The following TMC2 variants were observed in gnomAD, a reference collection of about 807,000 sequenced individuals.
TMC2 encodes transmembrane channel-like protein 2.
TMC2 carries 102 observed loss-of-function variants against 105.9 expected under a neutral mutation model. That is an observed-to-expected ratio of 0.96 (90% CI 0.82 to 1.14). The LOEUF (loss-of-function observed/expected upper bound fraction) is 1.14. TMC2 is among the 50% of genes most tolerant of loss of function. The probability of loss-of-function intolerance (pLI) is 0.00; values close to 1 mark genes in which losing one functional copy is unlikely to be tolerated. For missense variants in TMC2, 1,093 were observed against 1,134.3 expected (o/e 0.96, Z 0.52); for synonymous variants, 402 against 422.8 (o/e 0.95, Z 0.60).
At chr20:2,607,002 T>A (rs1047989655) in intron 11 of TMC2, among the ~76,000 whole-genome samples, 10 of 151,770 alleles carry the variant, frequency 6.6e-5, no homozygotes, top group African/African-American at 2.4e-4. Context: ...CAGTTTTCTG[T>A]TTTTGAATAC....
chr20:2,588,691 T>TTGTGTGTGTGTGTGTGTG (rs57035040), intron 7 of TMC2, among the ~76,000 whole-genome samples: 5,241 of 143,448 alleles, frequency 0.037, 183 homozygotes, highest in East Asian at 0.15. Context: ...GCATGTGTCT[T>TTGTGTGTGTGTGTGTGTG]TGTGTGTGTG....
At chr20:2,620,659 A>G (rs1387661018) in intron 16 of TMC2, among the ~76,000 whole-genome samples, 1 of 152,218 alleles carries the variant, frequency 6.6e-6, no homozygotes, top group Non-Finnish European at 1.5e-5. Context: ...TTGGCCTCCC[A>G]GAATTCTGTG....
intron 4 of TMC2, among the ~76,000 whole-genome samples, chr20:2,565,699 A>G (rs1341574022): frequency 6.6e-6 from 1 of 152,152 alleles, no homozygotes; most frequent in Non-Finnish European, 1.5e-5. Context: ...TCTCTGGCCC[A>G]GTCAGGCACT....
chr20:2,636,893 G>C (rs1349636959), intron 18 of TMC2, among the ~76,000 whole-genome samples: 1 of 152,104 alleles, frequency 6.6e-6, no homozygotes, highest in Admixed American at 6.5e-5. Flanking sequence ...TTATAGGCGT[G>C]AGCCACCGTG....
chr20:2,599,666 TCCTGGCCTCAAGCCATCCTCCCTC>T (rs2086337081), intron 10 of TMC2, among the ~76,000 whole-genome samples: 1 of 150,986 alleles, frequency 6.6e-6, no homozygotes, highest in African/African-American at 2.4e-5. Flanking sequence ...GGTCTCAAAT[TCCTGGCCTCAAGCCATCCTCCCTC>T]CCTGGCCTCC....
chr20:2,585,002 A>G (rs6115049), intron 7 of TMC2, among the ~76,000 whole-genome samples: 11,065 of 152,194 alleles, frequency 0.073, 1,329 homozygotes, highest in African/African-American at 0.25. Context: ...TTGACAACCA[A>G]TGATTGATTT....
chr20:2,547,852 A>C (rs1007236010), intron 2 of TMC2, among the ~76,000 whole-genome samples: 1 of 152,234 alleles, frequency 6.6e-6, no homozygotes, highest in South Asian at 2.1e-4. Flanking sequence ...CTTAAATAAA[A>C]TTTCTTTTCT....
chr20:2,623,620 G>A (rs151029052), intron 16 of TMC2, among the ~76,000 whole-genome samples: 2,940 of 152,014 alleles, frequency 0.019, 94 homozygotes, highest in African/African-American at 0.067. Context: ...ATTTAAACCA[G>A]GAATTTCAAA....
At chr20:2,548,939 C>T (rs1024346655) in intron 2 of TMC2, among the ~76,000 whole-genome samples, 1 of 152,220 alleles carries the variant, frequency 6.6e-6, no homozygotes, top group African/African-American at 2.4e-5. Flanking sequence ...AAAACGTAAG[C>T]TAGTCTTTTA....
intron 17 of TMC2, among the ~76,000 whole-genome samples, chr20:2,629,334 T>G (rs1476349135): frequency 6.6e-6 from 1 of 152,136 alleles, no homozygotes; most frequent in Non-Finnish European, 1.5e-5. Flanking sequence ...GTATTTTTCC[T>G]GCATTTACAG....
At chr20:2,544,212 A>G (rs1219738657) in intron 2 of TMC2, among the ~76,000 whole-genome samples, 1 of 151,840 alleles carries the variant, frequency 6.6e-6, no homozygotes, top group East Asian at 1.9e-4. Context: ...CAACGCACCC[A>G]GCCAGATTTT....
chr20:2,584,064 T>A (rs868585031), intron 7 of TMC2, among the ~76,000 whole-genome samples: 1,879 of 152,276 alleles, frequency 0.012, 51 homozygotes, highest in African/African-American at 0.043. Flanking sequence ...AGCTGTGCTT[T>A]AGGTTTACAT....
chr20:2,552,639 T>C (rs1050549467), intron 2 of TMC2, among the ~76,000 whole-genome samples: 2 of 152,064 alleles, frequency 1.3e-5, no homozygotes, highest in Admixed American at 1.3e-4. Context: ...CTTCAGTCTC[T>C]GACGTAGCTG....
intron 11 of TMC2, among the ~76,000 whole-genome samples, chr20:2,609,939 C>T (rs1297979773): frequency 2.6e-5 from 4 of 152,146 alleles, no homozygotes; most frequent in African/African-American, 7.2e-5. Flanking sequence ...CCTCCGCCTC[C>T]AGGGTTCAAG....
chr20:2,556,624 A>C (rs928580286), intron 2 of TMC2, among the ~76,000 whole-genome samples: 1 of 152,184 alleles, frequency 6.6e-6, no homozygotes, highest in Admixed American at 6.5e-5. Context: ...ATTGTTTTTT[A>C]ATTAGCTGGG....
Position 2,593,700 on chromosome 20 carries a change from A to G in TMC2, c.934-1125A>G, listed in dbSNP as rs563641061. On this transcript the variant is annotated intron_variant, in intron 8 of 19. Transcript: ENST00000358864. ...ACTGGAACTACTGTCAGAATCATCTACCTCTCCTCCCTGCCTTGGCTTGGC... is the reference window on the plus strand; with the variant it reads ...ACTGGAACTACTGTCAGAATCATCTGCCTCTCCTCCCTGCCTTGGCTTGGC... 1.3e-4 allele frequency among the ~76,000 whole-genome samples: 20 copies of G among 151,882 alleles called. No individual in the cohort carries two copies. The East Asian group carries it at 3.7e-3, about 28-fold the overall frequency.
At chr20:2,636,296 C>CAA (rs2146271022) in intron 18 of TMC2, among the ~76,000 whole-genome samples, 1 of 152,252 alleles carries the variant, frequency 6.6e-6, no homozygotes, top group South Asian at 2.1e-4. Context: ...CCAGTATCCA[C>CAA]AATAACTCCT....
intron 12 of TMC2, 129 bp downstream of exon 12, chr20:2,610,727 T>TA (rs888961957): frequency 8.1e-4 from 450 of 558,978 alleles, no homozygotes; most frequent in East Asian, 1.2e-3. Flanking sequence ...AAAATAAAAT[T>TA]AAAAAAAAAC....
At chr20:2,553,332 CA>C (rs2085967844) in intron 2 of TMC2, among the ~76,000 whole-genome samples, 1 of 152,092 alleles carries the variant, frequency 6.6e-6, no homozygotes, top group Non-Finnish European at 1.5e-5. Flanking sequence ...GTTTTCTCTG[CA>C]TCTATTGATA....
Sources: gnomAD v4.1 joint callset for allele counts (sites outside exome capture counted in the v4.1 genomes callset) on GRCh38, gnomAD v4.1.1 for gene constraint, MANE v1.5 for transcripts, NCBI Gene and HGNC (gene_info 2026-07-23, HGNC 2026-07-21) for gene names.